The following CFH variants were observed in gnomAD, a reference collection of about 807,000 sequenced individuals.
The protein encoded by CFH is complement factor H.
CFH carries 53 observed loss-of-function variants against 147.3 expected under a neutral mutation model. The ratio of observed to expected loss-of-function variants is 0.36; its 90% CI spans 0.29 to 0.45. The LOEUF is 0.45. Ranked by LOEUF, CFH falls within the 20% of genes least tolerant of loss-of-function variation. The pLI, the probability that CFH is intolerant of heterozygous loss-of-function variation, is 1.00. For synonymous variants in CFH, 536 were observed against 489.4 expected (o/e 1.10, Z -1.26); for missense variants, 1,380 against 1,498.0 (o/e 0.92, Z 1.30).
chr1:196,658,808 G>A (rs905402270), intron 1 of CFH, among the ~76,000 whole-genome samples: 1 of 152,078 alleles, frequency 6.6e-6, no homozygotes, highest in African/African-American at 2.4e-5. Context: ...GGGGTCTATT[G>A]ATCCTCTTGA....
intron 9 of CFH, among the ~76,000 whole-genome samples, chr1:196,706,149 T>C (rs543658021): frequency 6.6e-6 from 1 of 151,596 alleles, no homozygotes; most frequent in East Asian, 2.0e-4. Context: ...GAACTTAGAG[T>C]CCTAATCAGG....
Position 196,685,161 on chromosome 1 carries a change from T to A in CFH, c.888T>A (p.Asn296Lys). The A allele has an allele frequency of 1.2e-6, 2 of 1,613,132 alleles. No individual in the cohort carries two copies. The highest frequency in any genetic ancestry group is 2.2e-5 in the South Asian group (2 of 91,070). ...ATGAAATCACGTACCAGTGTAGAAA[T>A]GGTTTTTATCCTGCAACCCGGGGAA... ...TGDEITYQCR[N>K]GFYPATRGNT... is the part of the protein sequence containing the mutation. The change falls in exon 7 of 22, where the codon AAT becomes AAA. Residue 296 changes from asparagine (N) to lysine (K), a missense_variant. Around this residue, in one of 4 missense-constraint regions of CFH, gnomAD observed 167 missense variants for 228.0 expected, o/e 0.73. Transcript: ENST00000367429.
At chr1:196,724,541 T>G (rs1157412712) in intron 11 of CFH, among the ~76,000 whole-genome samples, 1 of 152,186 alleles carries the variant, frequency 6.6e-6, no homozygotes, top group Non-Finnish European at 1.5e-5. Context: ...ACACTTTCTA[T>G]GAGGTCCCAC....
intron 15 of CFH, among the ~76,000 whole-genome samples, chr1:196,735,357 A>C (rs1180757276): frequency 6.6e-6 from 1 of 152,134 alleles, no homozygotes; most frequent in Non-Finnish European, 1.5e-5. Context: ...CACATAGTCT[A>C]CCTTGCTAAC....
chr1:196,734,371 C>T (rs942024223), intron 15 of CFH, among the ~76,000 whole-genome samples: 1 of 152,068 alleles, frequency 6.6e-6, no homozygotes, highest in African/African-American at 2.4e-5. Context: ...ATTTTGCTGA[C>T]ATCACTCCCT....
intron 7 of CFH, among the ~76,000 whole-genome samples, chr1:196,688,777 A>AT (rs545205532): frequency 4.0e-5 from 6 of 151,776 alleles, no homozygotes; most frequent in South Asian, 2.1e-4. Flanking sequence ...GGCCCGGCTA[A>AT]TTTTTTTTGT....
chr1:196,734,637 G>A (rs186721121), intron 15 of CFH, among the ~76,000 whole-genome samples: 13 of 152,074 alleles, frequency 8.5e-5, no homozygotes, highest in African/African-American at 2.9e-4. Flanking sequence ...TTCCAGTATC[G>A]TCATTGAATC....
Position 196,726,543 on chromosome 1 carries a change from T to G in CFH, c.1947T>G (p.Tyr649Ter). The G allele has an allele frequency of 1.2e-6, 2 of 1,612,910 alleles. No individual in the cohort carries two copies. Among genetic ancestry groups the G allele is most frequent in the Non-Finnish European group, 1.7e-6 (2 of 1,179,060 alleles). The change falls in exon 13 of 22, where the codon TAT (tyrosine) becomes TAG (stop). Residue 649 changes from tyrosine (Y) to a stop codon, truncating the protein, a stop_gained. Coordinates refer to ENST00000367429, the MANE Select transcript of CFH (RefSeq NM_000186.4). LOFTEE classifies it high-confidence loss of function. ...GNVKEKTKEE[Y>*]GHSEVVEYYC... ...TTAAGGAAAAAACGAAAGAAGAATA[T>G]GGACACAGTGAAGTGGTGGAATATT...
chr1:196,745,175 C>T (rs1652958180), intron 20 of CFH, among the ~76,000 whole-genome samples: 1 of 151,876 alleles, frequency 6.6e-6, no homozygotes. Context: ...CTTTGGAGTT[C>T]ACTCAGCTTC....
At chr1:196,688,596 C>A (rs779432123) in intron 7 of CFH, among the ~76,000 whole-genome samples, 2 of 151,924 alleles carry the variant, frequency 1.3e-5, no homozygotes, top group African/African-American at 2.4e-5. Context: ...TAGGAAAGAG[C>A]CTAATTTATT....
intron 5 of CFH, chr1:196,679,385 T>A (rs1667574582): frequency 5.4e-6 from 2 of 369,242 alleles, no homozygotes. Flanking sequence ...CTGGTCACTA[T>A]TTATTTCAAG....
intron 5 of CFH, 141 bp downstream of exon 5, chr1:196,677,808 C>A: frequency 1.3e-6 from 1 of 794,078 alleles, no homozygotes; most frequent in Admixed American, 2.1e-5. Flanking sequence ...TGTAATTGAG[C>A]TAAGTTCTTT....
chr1:196,708,076 A>G (rs995003169), intron 9 of CFH, among the ~76,000 whole-genome samples: 2 of 152,190 alleles, frequency 1.3e-5, no homozygotes, highest in East Asian at 1.9e-4. Context: ...TTATGTGGAC[A>G]TTCTAAAATT....
intron 1 of CFH, among the ~76,000 whole-genome samples, chr1:196,658,049 G>A (rs1558148481): frequency 6.6e-6 from 1 of 151,902 alleles, no homozygotes; most frequent in African/African-American, 2.4e-5. Flanking sequence ...TGTCAATAAT[G>A]CCCCCTTAAA....
chr1:196,696,704 C>A (rs1291225293), intron 9 of CFH, among the ~76,000 whole-genome samples: 1 of 152,178 alleles, frequency 6.6e-6, no homozygotes, highest in Non-Finnish European at 1.5e-5. Context: ...CAAGTCAATC[C>A]TAAGACAAAA....
At chr1:196,721,728 T>C (rs1021506807) in intron 11 of CFH, among the ~76,000 whole-genome samples, 1 of 151,944 alleles carries the variant, frequency 6.6e-6, no homozygotes, top group African/African-American at 2.4e-5. Flanking sequence ...CATTTATGAA[T>C]CTGAGTGCTG....
intron 11 of CFH, among the ~76,000 whole-genome samples, chr1:196,716,164 G>A (rs1424227308): frequency 1.3e-5 from 2 of 151,858 alleles, no homozygotes; most frequent in South Asian, 2.1e-4. Flanking sequence ...TCTGAGTGTA[G>A]TTCTTTATTT....
At chr1:196,746,487 A>G (rs1293257000) in intron 21 of CFH, among the ~76,000 whole-genome samples, 2 of 152,222 alleles carry the variant, frequency 1.3e-5, no homozygotes, top group African/African-American at 4.8e-5. Flanking sequence ...TTCTCTTTAT[A>G]TTTATATTTT....
chr1:196,724,130 G>GTGTTC (rs1328764956), intron 11 of CFH, among the ~76,000 whole-genome samples: 1 of 152,018 alleles, frequency 6.6e-6, no homozygotes, highest in East Asian at 1.9e-4. Context: ...GCCACAAGGG[G>GTGTTC]TGTTCCTTTG....
Sources: allele counts gnomAD v4.1 joint callset (sites outside exome capture counted in the v4.1 genomes callset), GRCh38; gene constraint gnomAD v4.1.1; regional missense constraint gnomAD v4.1.1; transcripts MANE v1.5; gene names NCBI Gene and HGNC (gene_info 2026-07-23, HGNC 2026-07-21).